POLD3: variants seen among roughly 807,000 people sequenced by gnomAD.
POLD3 encodes DNA polymerase delta 3, accessory subunit, also known as DNA polymerase delta subunit 3.
A neutral mutation model predicts 58.2 loss-of-function variants in POLD3; 19 were observed. The observed-to-expected ratio is 0.33, with a 90% CI of 0.23 to 0.48. The LOEUF (loss-of-function observed/expected upper bound fraction) is 0.48, where lower values mean the gene tolerates loss of function less well. POLD3 is among the 20% of genes least tolerant of loss of function. The pLI is 0.99. For synonymous variants in POLD3, 172 were observed against 193.5 expected, an observed-to-expected ratio of 0.89 and a Z score of 0.92; for missense variants, 504 against 545.5, an observed-to-expected ratio of 0.92 and a Z score of 0.76.
At position 74,629,279 on chromosome 11, in the gene POLD3, G is replaced by C; in HGVS notation, c.962G>C (p.Arg321Thr). 6.2e-7 allele frequency: 1 copy of C among 1,609,390 alleles called. No individual in the cohort carries two copies. The highest frequency in any genetic ancestry group is 2.3e-5 in the East Asian group (1 of 44,402). Reference sequence around the variant, plus strand: ...GAAACTGAAAACATGAGGAAAAAGAGGAGAAGAATCAAACTTCCTGAATCT... The same window carrying C: ...GAAACTGAAAACATGAGGAAAAAGACGAGAAGAATCAAACTTCCTGAATCT... ...TKETENMRKK[R>T]RRIKLPESDS... Residue 321 changes from arginine to threonine, a missense_variant, in exon 9 of 12, where the codon AGG becomes ACG. Around this residue, in one of 2 missense-constraint regions of POLD3, gnomAD observed 385 missense variants for 370.5 expected, o/e 1.04. Transcript: ENST00000263681.
chr11:74,632,724 G>A lies in POLD3; in HGVS notation c.1007-1859G>A, dbSNP rs192546517. 2.3e-3 allele frequency among the ~76,000 whole-genome samples: 352 copies of A among 152,118 alleles called. 2 individuals carry two copies. Among genetic ancestry groups the A allele is most frequent in the Non-Finnish European group, 3.6e-3 (245 of 68,006 alleles). On this transcript the variant is annotated intron_variant, in intron 9 of 11. Coordinates refer to ENST00000263681, the MANE Select transcript of POLD3 (RefSeq NM_006591.3). ...TCTACTATTCTCTTCCCTGTTTGGG[G>A]GAGTTATAATGTTTTACTCATTTAT...
At chr11:74,666,564 G>C (rs527920098) in intron 4 of POLD3, among the ~76,000 whole-genome samples, 23 of 152,250 alleles carry the variant, frequency 1.5e-4, no homozygotes, top group African/African-American at 5.3e-4. Flanking sequence ...GAGAGAGAGA[G>C]AGAGAGAGAA....
intron 7 of POLD3, among the ~76,000 whole-genome samples, chr11:74,622,973 A>G (rs1156948324): frequency 1.3e-5 from 2 of 152,270 alleles, no homozygotes; most frequent in East Asian, 1.9e-4. Context: ...CAAAGGTGGT[A>G]TATCCAGACA....
chr11:74,614,086 G>A (rs1044583332), intron 5 of POLD3, among the ~76,000 whole-genome samples: 8 of 152,140 alleles, frequency 5.3e-5, no homozygotes, highest in African/African-American at 1.7e-4. Flanking sequence ...TAGAGTGAAA[G>A]GTAGGAAATA....
chr11:74,651,134 A>G (rs1017540410), intron 4 of POLD3, among the ~76,000 whole-genome samples: 1 of 152,238 alleles, frequency 6.6e-6, no homozygotes, highest in East Asian at 1.9e-4. Flanking sequence ...CTCCACCACA[A>G]TATAAGTTCT....
At chr11:74,617,553 C>T (rs911130241) in intron 5 of POLD3, among the ~76,000 whole-genome samples, 1 of 152,166 alleles carries the variant, frequency 6.6e-6, no homozygotes, top group African/African-American at 2.4e-5. Context: ...AGGCGCGTGC[C>T]ACCACGCCCA....
chr11:74,640,710 G>A lies in POLD3; in HGVS notation c.1345G>A (p.Ala449Thr). 6.2e-7 allele frequency: 1 copy of A among 1,611,798 alleles called. No homozygotes were observed. Among genetic ancestry groups the A allele is most frequent in the Non-Finnish European group, 8.5e-7 (1 of 1,179,162 alleles). ...ERKGPKKGTA[A>T]LGKANRQVSI... ...AAAGGGCCCCAAGAAAGGGACTGCT[G>A]CTCTGGGCAAAGCCAACAGACAGGT... is the stretch of plus-strand genomic sequence containing the variant. The change falls in exon 12 of 12, where the codon GCT becomes ACT. Residue 449 changes from alanine (A) to threonine (T), a missense_variant. Physicochemically the swap from Ala to Thr is moderately conservative, Grantham distance 58. This residue lies in a region of POLD3 where 385 missense variants were observed against 370.5 expected (regional missense o/e 1.04). Transcript: ENST00000263681.
At chr11:74,664,935 A>G (rs2033248248) in intron 4 of POLD3, among the ~76,000 whole-genome samples, 1 of 151,910 alleles carries the variant, frequency 6.6e-6, no homozygotes, top group Non-Finnish European at 1.5e-5. Context: ...CTCTGTCTCT[A>G]CTAAAAATAC....
intron 9 of POLD3, among the ~76,000 whole-genome samples, chr11:74,632,929 CACACAGTT>C (rs1009851383): frequency 7.6e-6 from 1 of 131,908 alleles, no homozygotes; most frequent in African/African-American, 2.6e-5. Flanking sequence ...CACACACACA[CACACAGTT>C]ACTCTATGTT....
chr11:74,632,181 T>A (rs866876073), intron 9 of POLD3, among the ~76,000 whole-genome samples: 3 of 152,182 alleles, frequency 2.0e-5, no homozygotes, highest in Non-Finnish European at 2.9e-5. Flanking sequence ...TAGGTATTTT[T>A]AAAAAATAGT....
chr11:74,605,251 C>T (rs2031635951), intron 3 of POLD3, among the ~76,000 whole-genome samples: 2 of 152,168 alleles, frequency 1.3e-5, no homozygotes, highest in South Asian at 4.1e-4. Context: ...ATAGCTAATG[C>T]AGTGCATAGG....
intron 4 of POLD3, among the ~76,000 whole-genome samples, chr11:74,664,287 A>G (rs922106112): frequency 2.0e-5 from 3 of 152,238 alleles, no homozygotes; most frequent in Non-Finnish European, 4.4e-5. Context: ...TATTTACCCA[A>G]GAAAATGAAA....
chr11:74,642,197 C>A lies in POLD3; in HGVS notation c.*1431C>A, dbSNP rs913417614. On this transcript the variant is annotated 3_prime_UTR_variant, in exon 12 of 12. Coordinates refer to ENST00000263681, the MANE Select transcript of POLD3 (RefSeq NM_006591.3). ...GATTAACATGAGCTTCTTTAGCAAC[C>A]AAGCATGAACTTGATTAAGACCAGA... is the stretch of plus-strand genomic sequence containing the variant. 2.0e-6 allele frequency: 2 copies of A among 985,416 alleles called. No homozygotes were observed. Among genetic ancestry groups the A allele is most frequent in the Non-Finnish European group, 2.4e-6 (2 of 829,930 alleles). The allele number at this position is 985,416 out of a possible 1,614,324, so 61.0% of individuals were successfully genotyped here.
chr11:74,650,939 T>C (rs1182043355), intron 4 of POLD3, among the ~76,000 whole-genome samples: 2 of 152,216 alleles, frequency 1.3e-5, no homozygotes, highest in East Asian at 1.9e-4. Flanking sequence ...TCATAAATTA[T>C]GGTTTTGTTT....
At chr11:74,620,775 A>G (rs1355679134) in intron 7 of POLD3, among the ~76,000 whole-genome samples, 2 of 152,236 alleles carry the variant, frequency 1.3e-5, no homozygotes, top group African/African-American at 4.8e-5. Context: ...CAGGAGCCAC[A>G]GGATAATTAT....
chr11:74,600,711 T>A, intron 2 of POLD3, among the ~76,000 whole-genome samples: 1 of 5,386 alleles, frequency 1.9e-4, no homozygotes, highest in African/African-American at 1.8e-3. Context: ...AATTCTTTCC[T>A]TTTTTTTTTT....
intron 2 of POLD3, among the ~76,000 whole-genome samples, chr11:74,594,865 T>G (rs1351041077): frequency 2.0e-5 from 3 of 152,178 alleles, no homozygotes; most frequent in Non-Finnish European, 4.4e-5. Flanking sequence ...GAGAACTCAC[T>G]ATCATGAGAA....
intron 5 of POLD3, among the ~76,000 whole-genome samples, chr11:74,617,556 C>G (rs1441422198): frequency 2.6e-5 from 4 of 151,880 alleles, no homozygotes; most frequent in Non-Finnish European, 5.9e-5. Context: ...CGCGTGCCAC[C>G]ACGCCCAGCT....
At chr11:74,611,961 G>T (rs6592575) in intron 4 of POLD3, among the ~76,000 whole-genome samples, 2 of 152,128 alleles carry the variant, frequency 1.3e-5, no homozygotes, top group Non-Finnish European at 1.5e-5. Flanking sequence ...TGCTACCGTT[G>T]GATTGTTTAA....
Sources: allele counts gnomAD v4.1 joint callset (sites outside exome capture counted in the v4.1 genomes callset), GRCh38; gene constraint gnomAD v4.1.1; regional missense constraint gnomAD v4.1.1; transcripts MANE v1.5; gene names NCBI Gene and HGNC (gene_info 2026-07-23, HGNC 2026-07-21).